RYR3: variants seen among roughly 807,000 people sequenced by gnomAD.
RYR3 encodes ryanodine receptor 3, also known as brain ryanodine receptor-calcium release channel.
Under a neutral mutation model 584.3 loss-of-function variants are expected in RYR3, and 207 were observed. The ratio of observed to expected loss-of-function variants is 0.35; its 90% confidence interval spans 0.32 to 0.40. The LOEUF is 0.40. RYR3 is among the 10% of genes least tolerant of loss of function. The probability of loss-of-function intolerance (pLI) is 1.00; values close to 1 mark genes in which losing one functional copy is unlikely to be tolerated. For missense variants in RYR3, 5,616 were observed against 6,089.2 expected (o/e 0.92, Z 2.59); for synonymous variants, 2,416 against 2,248.5 (o/e 1.07, Z -2.11).
At chr15:33,500,011 C>T (rs971471235) in intron 2 of RYR3, among the ~76,000 whole-genome samples, 6 of 152,170 alleles carry the variant, frequency 3.9e-5, no homozygotes, top group South Asian at 2.1e-4. Flanking sequence ...ACAGCCACAG[C>T]CATAATCAGC....
At chr15:33,462,182 T>C (rs2048092491) in intron 1 of RYR3, among the ~76,000 whole-genome samples, 2 of 152,210 alleles carry the variant, frequency 1.3e-5, no homozygotes, top group African/African-American at 4.8e-5. Context: ...CTACTAACTT[T>C]ATAGAGCATC....
chr15:33,330,772 A>G (rs1194600765), intron 1 of RYR3, among the ~76,000 whole-genome samples: 1 of 152,186 alleles, frequency 6.6e-6, no homozygotes, highest in Non-Finnish European at 1.5e-5. Flanking sequence ...CTCTAGTCCC[A>G]GGGTTATCAA....
intron 75 of RYR3, among the ~76,000 whole-genome samples, chr15:33,817,878 G>A (rs908361988): frequency 6.6e-6 from 1 of 152,022 alleles, no homozygotes; most frequent in African/African-American, 2.4e-5. Flanking sequence ...TACCAAATAC[G>A]GTCCACCCTG....
chr15:33,480,017 G>C (rs974975938), intron 2 of RYR3, among the ~76,000 whole-genome samples: 6 of 152,216 alleles, frequency 3.9e-5, no homozygotes, highest in African/African-American at 1.4e-4. Flanking sequence ...ATCTAAGGCA[G>C]ATTATTATGT....
chr15:33,467,465 C>G, intron 1 of RYR3: 1 of 984,796 alleles, frequency 1.0e-6, no homozygotes, highest in Non-Finnish European at 1.2e-6. Context: ...CTCTATTGTT[C>G]TGGCCCTCAG....
At chr15:33,481,537 A>G (rs376639271) in intron 2 of RYR3, among the ~76,000 whole-genome samples, 5 of 151,828 alleles carry the variant, frequency 3.3e-5, no homozygotes, top group Admixed American at 6.6e-5. Flanking sequence ...CTGGAGTGCA[A>G]TGATGCAATC....
Position 33,641,716 on chromosome 15 carries a change from G to A in RYR3, c.3557-2595G>A, listed in dbSNP as rs147755261. The stretch of plus-strand genomic sequence containing the variant: ...TGTTTTCCAGAGCTGGCCCAGCTGC[G>A]TCCACTTAGCCTCCCGGAGGTCCCC... On this transcript the variant is annotated intron_variant, in intron 27 of 103. Coordinates refer to ENST00000634891, the MANE Select transcript of RYR3 (RefSeq NM_001036.6). Among the ~76,000 whole-genome samples the A allele has an allele frequency of 2.7e-3, 416 of 152,166 alleles. 1 individual carries two copies. The highest frequency in any genetic ancestry group is 5.0e-3 in the Non-Finnish European group (341 of 68,000).
chr15:33,321,897 T>TA (rs1295798726), intron 1 of RYR3, among the ~76,000 whole-genome samples: 1 of 152,136 alleles, frequency 6.6e-6, no homozygotes, highest in Non-Finnish European at 1.5e-5. Flanking sequence ...CTCAGTTTCC[T>TA]AATCTATAGA....
Position 33,736,291 on chromosome 15 carries a change from C to T in RYR3, c.7481C>T (p.Pro2494Leu), listed in dbSNP as rs376698520. The T allele has an allele frequency of 2.0e-5, 32 of 1,612,686 alleles. No homozygotes were observed. The highest frequency in any genetic ancestry group is 2.5e-5 in the Non-Finnish European group (30 of 1,179,472). ...CTGCGACGCCTCGTTTTTGATGTGC[C>T]GCAACTCAATGAATACTGCAAAATG... ...QLLRRLVFDV[P>L]QLNEYCKMPL... The change falls in exon 49 of 104, where the codon CCG becomes CTG. Residue 2494 changes from proline (P) to leucine (L), a missense_variant. This residue lies in a region of RYR3 where 1,280 missense variants were observed against 1,426.2 expected (regional missense o/e 0.90). Coordinates refer to ENST00000634891, the MANE Select transcript of RYR3 (RefSeq NM_001036.6).
chr15:33,652,151 A>T (rs1275885174), intron 31 of RYR3, among the ~76,000 whole-genome samples: 1 of 152,212 alleles, frequency 6.6e-6, no homozygotes, highest in Non-Finnish European at 1.5e-5. Flanking sequence ...ACTCCAAGGC[A>T]TGGGGAAGGA....
chr15:33,459,355 C>T lies in RYR3; in HGVS notation c.52-14064C>T, dbSNP rs144721377. Among the ~76,000 whole-genome samples the T allele has an allele frequency of 5.2e-4, 79 of 152,116 alleles. No individual in the cohort carries two copies. The East Asian group carries it at 0.011, about 22-fold the overall frequency. ...ATTTGTATCCTGGAGACCTGGGGTTCCCTTTTGCCCTGGGGTAGAGCTGAG... is the reference window on the plus strand; with the variant it reads ...ATTTGTATCCTGGAGACCTGGGGTTTCCTTTTGCCCTGGGGTAGAGCTGAG... On this transcript the variant is annotated intron_variant, in intron 1 of 103. Coordinates refer to ENST00000634891, the MANE Select transcript of RYR3 (RefSeq NM_001036.6).
chr15:33,452,500 A>G (rs2047213635), intron 1 of RYR3, among the ~76,000 whole-genome samples: 1 of 152,214 alleles, frequency 6.6e-6, no homozygotes, highest in Admixed American at 6.5e-5. Context: ...ATAAGAAGAC[A>G]TAGGCCATTG....
At chr15:33,784,654 G>T (rs1347856987) in intron 65 of RYR3, among the ~76,000 whole-genome samples, 1 of 152,190 alleles carries the variant, frequency 6.6e-6, no homozygotes, top group Non-Finnish European at 1.5e-5. Context: ...GACACATTCT[G>T]TAGGAAGCAG....
chr15:33,855,055 G>T (rs555763446), intron 98 of RYR3, 143 bp downstream of exon 98: 6 of 865,302 alleles, frequency 6.9e-6, no homozygotes, highest in Non-Finnish European at 9.4e-6. Flanking sequence ...TCAACTAATG[G>T]TGATTGTTTT....
intron 43 of RYR3, chr15:33,722,399 A>G (rs1483159546): frequency 5.5e-6 from 2 of 361,830 alleles, no homozygotes; most frequent in Non-Finnish European, 9.9e-6. Flanking sequence ...GTAATGGTGG[A>G]TCTTAATACT....
chr15:33,854,317 T>C lies in RYR3; in HGVS notation c.13800-72T>C, dbSNP rs563928917. The C allele has an allele frequency of 1.7e-4, 223 of 1,314,146 alleles. 2 individuals are homozygous for C. The South Asian group carries it at 2.8e-3, about 16-fold the overall frequency. The allele number at this position is 1,314,146 out of a possible 1,614,324, so 81.4% of individuals were successfully genotyped here. A position where few individuals can be genotyped will look rare whatever the true frequency, so the allele number is the denominator to read the frequency against. ...ATTAAACCTGAGAGAAAAAACTTAC[T>C]TTTTCCCCCTTATTGAGCACTTAAC... is the stretch of plus-strand genomic sequence containing the variant. On this transcript the variant is annotated intron_variant, in intron 96 of 103. Coordinates refer to ENST00000634891, the MANE Select transcript of RYR3 (RefSeq NM_001036.6).
chr15:33,825,536 TA>T (rs1032710774), intron 81 of RYR3, 66 bp from the exon 82 acceptor site: 22 of 1,018,992 alleles, frequency 2.2e-5, no homozygotes, highest in Non-Finnish European at 3.2e-5. Flanking sequence ...ATAGGTACAT[TA>T]ACATTAGAAA....
chr15:33,585,386 G>A (rs1236247201), intron 15 of RYR3, among the ~76,000 whole-genome samples: 1 of 152,116 alleles, frequency 6.6e-6, no homozygotes, highest in African/African-American at 2.4e-5. Flanking sequence ...ATATTACCGT[G>A]TATGTGCCAG....
chr15:33,766,742 C>A (rs1349995033), intron 60 of RYR3, among the ~76,000 whole-genome samples: 1 of 152,234 alleles, frequency 6.6e-6, no homozygotes. Context: ...TGCCAGATTT[C>A]TCTTCTTTGC....
Sources: gnomAD v4.1 joint callset for allele counts (sites outside exome capture counted in the v4.1 genomes callset) on GRCh38, gnomAD v4.1.1 for gene constraint, gnomAD v4.1.1 regional missense constraint, MANE v1.5 for transcripts, NCBI Gene and HGNC (gene_info 2026-07-23, HGNC 2026-07-21) for gene names.